GALNT7: variants seen among roughly 807,000 people sequenced by gnomAD.
GALNT7 encodes N-acetylgalactosaminyltransferase 7.
Under a neutral mutation model 82.1 loss-of-function variants are expected in GALNT7, and 60 were observed. The ratio of observed to expected loss-of-function variants is 0.73; its 90% CI spans 0.59 to 0.91. The LOEUF is 0.91. GALNT7 is among the 40% of genes least tolerant of loss of function. GALNT7 has a pLI of 0.00. For missense variants in GALNT7, 660 were observed against 804.2 expected (o/e 0.82, Z 2.17); for synonymous variants, 243 against 275.1 (o/e 0.88, Z 1.15).
At chr4:173,210,655 A>G (rs1368533361) in intron 1 of GALNT7, among the ~76,000 whole-genome samples, 6 of 151,794 alleles carry the variant, frequency 4.0e-5, no homozygotes, top group Admixed American at 3.9e-4. Context: ...CTGGTCTGGA[A>G]CTCTGGGCTC....
intron 2 of GALNT7, among the ~76,000 whole-genome samples, chr4:173,280,865 T>A (rs906045948): frequency 6.6e-6 from 1 of 152,218 alleles, no homozygotes; most frequent in African/African-American, 2.4e-5. Flanking sequence ...AAATACTACT[T>A]CTGTGTGCTC....
rs1255324388 is a variant in GALNT7, at chr4:173,168,935, G to A, written c.100G>A (p.Asp34Asn). Residue 34 changes from aspartate (D) to asparagine (N), a missense_variant, in exon 1 of 12, where the codon GAC becomes AAC. Asp to Asn is a conservative substitution (Grantham distance 23). Transcript: ENST00000265000. ...GTCTTCCCTGACCCCGCGGCCGGAC[G>A]ACCCAAGCCCGCTGAGCAGGATGAG... ...LWSSLTPRPD[D>N]PSPLSRMRED... is the part of the protein sequence containing the mutation. The A allele has an allele frequency of 2.5e-6, 4 of 1,613,620 alleles. No homozygotes were observed. In the South Asian group the frequency reaches 4.4e-5, roughly 18 times the overall value.
At position 173,178,048 on chromosome 4, in the gene GALNT7, T is replaced by TGCGCGCGC. The variant is rs566263598; in HGVS notation, c.126+9088_126+9089insCGCGCGCG. Among the ~76,000 whole-genome samples the TGCGCGCGC allele has an allele frequency of 1.2e-3, 135 of 113,692 alleles. 1 individual carries two copies. Among genetic ancestry groups the TGCGCGCGC allele is most frequent in the African/African-American group, 2.4e-3 (69 of 28,864 alleles). 74.6% of individuals were successfully genotyped at this position (113,692 alleles called of 152,430 possible). Reference sequence around the variant, plus strand: ...GTGTGTGTGTGTGTGTGTGTGTGTGTGTGTGCGCGCACGCGCGTGCGCACA... The same window carrying TGCGCGCGC: ...GTGTGTGTGTGTGTGTGTGTGTGTGTGCGCGCGCGTGTGCGCGCACGCGCGTGCGCACA... On this transcript the variant is annotated intron_variant, in intron 1 of 11. Transcript: ENST00000265000.
intron 1 of GALNT7, among the ~76,000 whole-genome samples, chr4:173,211,004 A>G (rs897797443): frequency 1.3e-5 from 2 of 152,170 alleles, no homozygotes; most frequent in African/African-American, 2.4e-5. Flanking sequence ...CGTGTAATCA[A>G]TCTTAAAAAA....
rs1389468187 is a variant in GALNT7, at chr4:173,321,438, A to C, written c.1837-142A>C. 26 of 623,928 alleles carry C rather than the reference A, an allele frequency of 4.2e-5. No individual in the cohort carries two copies. In the East Asian group the frequency reaches 6.4e-4, roughly 15 times the overall value. 38.6% of individuals were successfully genotyped at this position (623,928 alleles called of 1,614,324 possible). ...GAGAAATCCAGAAAACTGACAATCA[A>C]GAGAAATCCAAAGTCTGAGGTGTGG... On this transcript the variant is annotated intron_variant, in intron 11 of 11. Coordinates refer to ENST00000265000, the MANE Select transcript of GALNT7 (RefSeq NM_017423.3).
intron 8 of GALNT7, among the ~76,000 whole-genome samples, chr4:173,306,082 TTA>T (rs1463650933): frequency 6.6e-6 from 1 of 152,214 alleles, no homozygotes; most frequent in African/African-American, 2.4e-5. Flanking sequence ...CATCAGTGTT[TTA>T]TAGTTTTCAG....
At chr4:173,213,554 A>G (rs1733349841) in intron 1 of GALNT7, among the ~76,000 whole-genome samples, 1 of 152,158 alleles carries the variant, frequency 6.6e-6, no homozygotes, top group Non-Finnish European at 1.5e-5. Context: ...GAGTAGTCAT[A>G]CACTCTTTTG....
chr4:173,319,526 C>CA (rs3836662), intron 11 of GALNT7, among the ~76,000 whole-genome samples: 76 of 147,200 alleles, frequency 5.2e-4, no homozygotes, highest in Admixed American at 1.1e-3. Context: ...TTTATTTTCA[C>CA]AAAAAAAAAG....
rs941375851 is a variant in GALNT7 at position 173,187,055 on chromosome 4, C to T, written c.126+18094C>T. ...ACAGGTGTGAGCCACCGCACCCGGC[C>T]TACTTACTTTTAAAATACATTTACA... On this transcript the variant is annotated intron_variant, in intron 1 of 11. Transcript: ENST00000265000. Among the ~76,000 whole-genome samples, 7 of 152,024 alleles carry T rather than the reference C, an allele frequency of 4.6e-5. No homozygotes were observed. The South Asian group carries it at 6.2e-4, about 14-fold the overall frequency.
At position 173,317,741 on chromosome 4, in the gene GALNT7, C is replaced by G. The variant is rs777017033; in HGVS notation, c.1707+9C>G. ...GGATGGGAGGGAATCAGGTAAACCA[C>G]CTTACTTTTGTGTTTAAGTTGTTCC... is the stretch of plus-strand genomic sequence containing the variant. On this transcript the variant is annotated intron_variant, in intron 10 of 11. Coordinates refer to ENST00000265000, the MANE Select transcript of GALNT7 (RefSeq NM_017423.3). 2 of 1,553,456 alleles carry G rather than the reference C, an allele frequency of 1.3e-6. No individual in the cohort carries two copies. Among genetic ancestry groups the G allele is most frequent in the South Asian group, 2.2e-5 (2 of 89,706 alleles).
intron 2 of GALNT7, among the ~76,000 whole-genome samples, chr4:173,272,151 C>T (rs1030676175): frequency 6.6e-6 from 1 of 152,178 alleles, no homozygotes; most frequent in African/African-American, 2.4e-5. Flanking sequence ...CTCTGCTCTC[C>T]ATCCCTGTCC....
At chr4:173,186,784 T>A (rs1363518016) in intron 1 of GALNT7, among the ~76,000 whole-genome samples, 1 of 152,056 alleles carries the variant, frequency 6.6e-6, no homozygotes, top group Non-Finnish European at 1.5e-5. Flanking sequence ...TACTTACTTT[T>A]TTTTTTTTGA....
At chr4:173,236,709 G>A (rs1283594201) in intron 1 of GALNT7, among the ~76,000 whole-genome samples, 2 of 152,198 alleles carry the variant, frequency 1.3e-5, no homozygotes, top group African/African-American at 4.8e-5. Context: ...GTACTGGGGA[G>A]CCTCTACTAT....
chr4:173,222,004 A>T (rs1052238336), intron 1 of GALNT7, among the ~76,000 whole-genome samples: 2 of 152,208 alleles, frequency 1.3e-5, no homozygotes, highest in Non-Finnish European at 2.9e-5. Context: ...TTCGATTCAG[A>T]AGGCATAAAA....
At chr4:173,196,062 C>T (rs1732763847) in intron 1 of GALNT7, among the ~76,000 whole-genome samples, 1 of 151,456 alleles carries the variant, frequency 6.6e-6, no homozygotes, top group Non-Finnish European at 1.5e-5. Context: ...AACAGTTGGA[C>T]AATACAAAAT....
chr4:173,292,089 T>A lies in GALNT7; in HGVS notation c.588-19T>A. ...ATAGATTACCTGTAAATAAATATGA[T>A]GAAATTTTCTCTTTACAGATGCAAG... is the stretch of plus-strand genomic sequence containing the variant. On this transcript the variant is annotated intron_variant, in intron 2 of 11. Transcript: ENST00000265000. This position sits in a 1 kb window ranked among gnomAD's most constrained non-coding sequence, Gnocchi z 4.8. 3 of 1,572,976 alleles carry A rather than the reference T, an allele frequency of 1.9e-6. No individual in the cohort carries two copies. Among genetic ancestry groups the A allele is most frequent in the Non-Finnish European group, 2.6e-6 (3 of 1,147,562 alleles).
chr4:173,266,299 C>G (rs1013519413), intron 2 of GALNT7, among the ~76,000 whole-genome samples: 6 of 152,082 alleles, frequency 3.9e-5, no homozygotes, highest in Non-Finnish European at 5.9e-5. Flanking sequence ...AATTTTAGAA[C>G]TGAAGGGGGC....
intron 1 of GALNT7, among the ~76,000 whole-genome samples, chr4:173,197,754 G>T (rs1009593804): frequency 1.3e-5 from 2 of 152,154 alleles, no homozygotes; most frequent in South Asian, 2.1e-4. Context: ...GGAGAGAAGT[G>T]GGGGGATGAA....
intron 6 of GALNT7, among the ~76,000 whole-genome samples, chr4:173,300,624 G>A (rs1202712022): frequency 6.6e-6 from 1 of 152,014 alleles, no homozygotes; most frequent in Non-Finnish European, 1.5e-5. Flanking sequence ...AGGACTCAAC[G>A]GGAAGAGAGT....
Sources: gnomAD v4.1 joint callset for allele counts (sites outside exome capture counted in the v4.1 genomes callset) on GRCh38, gnomAD v4.1.1 for gene constraint, Gnocchi (gnomAD v3.1) non-coding constraint, MANE v1.5 for transcripts, NCBI Gene and HGNC (gene_info 2026-07-23, HGNC 2026-07-21) for gene names.